Variants in FAT4 observed in about 807,000 individuals in gnomAD.
The protein encoded by FAT4 is protocadherin Fat 4.
In FAT4, 84 loss-of-function variants were observed where a neutral mutation model predicts 303.9. The ratio of observed to expected loss-of-function variants is 0.28; its 90% CI spans 0.23 to 0.33. The LOEUF is 0.33. Ranked by LOEUF, FAT4 falls within the 10% of genes least tolerant of loss-of-function variation. The pLI is 1.00. For missense variants in FAT4, 6,005 were observed against 6,146.8 expected (o/e 0.98, Z 0.77); for synonymous variants, 2,307 against 2,298.8 (o/e 1.00, Z -0.10).
intron 2 of FAT4, among the ~76,000 whole-genome samples, chr4:125,350,688 T>C (rs1732186847): frequency 6.6e-6 from 1 of 151,634 alleles, no homozygotes; most frequent in South Asian, 2.1e-4. Context: ...TCCTTACAAG[T>C]TTGGAAAAAT....
intron 3 of FAT4, among the ~76,000 whole-genome samples, chr4:125,400,399 C>T (rs975987842): frequency 1.1e-4 from 16 of 151,988 alleles, no homozygotes; most frequent in Admixed American, 2.0e-4. Flanking sequence ...ACACTCACCC[C>T]TTTTAATACT....
At position 125,316,389 on chromosome 4, in the gene FAT4, C is replaced by T; in HGVS notation, c.-12-11C>T. On this transcript the variant is annotated splice_polypyrimidine_tract_variant and intron_variant, in intron 1 of 17. Transcript: ENST00000394329. The surrounding 1 kb of genome is among the most constrained non-coding windows in gnomAD (Gnocchi z 5.7). ...CTTCACCCCTTCCTTCTCTTTATCA[C>T]ATCGTTTTAGGGAGCCAGGACCATG... 6.4e-7 allele frequency: 1 copy of T among 1,572,672 alleles called. No homozygotes were observed. The highest frequency in any genetic ancestry group is 8.6e-7 in the Non-Finnish European group (1 of 1,157,374).
chr4:125,452,011 T>A lies in FAT4; in HGVS notation c.11001T>A (p.Thr3667=). Residue 3667 remains threonine, a synonymous_variant, in exon 10 of 18, where the codon ACT becomes ACA. Transcript: ENST00000394329. ...VTSLFSIPGG[T]CDLNSQPRST... ...GCCTCTTCAGTATTCCAGGGGGTAC[T>A]TGTGATCTGAATTCCCAGCCAAGGT... is the stretch of plus-strand genomic sequence containing the variant. The A allele has an allele frequency of 6.2e-7, 1 of 1,614,198 alleles. No homozygotes were observed. The highest frequency in any genetic ancestry group is 8.5e-7 in the Non-Finnish European group (1 of 1,180,034).
chr4:125,382,636 G>A (rs905590376), intron 2 of FAT4, among the ~76,000 whole-genome samples: 5 of 152,138 alleles, frequency 3.3e-5, no homozygotes, highest in African/African-American at 1.2e-4. Flanking sequence ...AGTGGCTTCA[G>A]CTTAAAGTCA....
chr4:125,357,332 T>C lies in FAT4; in HGVS notation c.5175+35746T>C, dbSNP rs555783378. ...GGCAAATGTACAGTCTCTCGATTGA[T>C]AATAAAATTTGTCATTTTCTCAGTT... On this transcript the variant is annotated intron_variant, in intron 2 of 17. Coordinates refer to ENST00000394329, the MANE Select transcript of FAT4 (RefSeq NM_001291303.3). Among the ~76,000 whole-genome samples the C allele has an allele frequency of 1.4e-3, 210 of 152,262 alleles. 1 individual carries two copies. Among genetic ancestry groups the C allele is most frequent in the African/African-American group, 5.0e-3 (206 of 41,568 alleles).
chr4:125,446,413 T>G lies in FAT4; in HGVS notation c.7320T>G (p.Ser2440Arg). 1 of 1,613,570 alleles carries G rather than the reference T, an allele frequency of 6.2e-7. No individual in the cohort carries two copies. ...ATTATACTTTGGTAGTGGTCTGCAG[T>G]GATGCGGGATCCCCAGAGCCTCTTT... ...KDNYTLVVVCSDAGSPEPLSS... is the reference protein window; with the variant it reads ...KDNYTLVVVCRDAGSPEPLSS... The change falls in exon 9 of 18, where the codon AGT (serine) becomes AGG (arginine). Residue 2440 changes from serine to arginine, a missense_variant. Coordinates refer to ENST00000394329, the MANE Select transcript of FAT4 (RefSeq NM_001291303.3).
At chr4:125,415,862 A>C in intron 6 of FAT4, 56 bp downstream of exon 6, 1 of 1,333,098 alleles carries the variant, frequency 7.5e-7, no homozygotes. Flanking sequence ...TCTATTTGAA[A>C]ACCTCCCCTC....
intron 2 of FAT4, among the ~76,000 whole-genome samples, chr4:125,390,582 T>C (rs1733941649): frequency 1.3e-5 from 2 of 152,166 alleles, no homozygotes; most frequent in South Asian, 4.1e-4. Context: ...AGATTAGAGT[T>C]TTTCCTTGCT....
Position 125,318,951 on chromosome 4 carries a change from A to G in FAT4, c.2540A>G (p.Gln847Arg). Residue 847 changes from glutamine (Q) to arginine (R), a missense_variant, in exon 2 of 18, where the codon CAG becomes CGG. By Grantham distance (43) the Gln-to-Arg change is conservative (BLOSUM62 1). Transcript: ENST00000394329. The part of the protein sequence containing the change: ...GMFAINQVTG[Q>R]LTTANVIDRE... ...TTTGCTATCAACCAGGTCACTGGGC[A>G]GCTTACCACAGCAAATGTGATTGAT... The G allele has an allele frequency of 6.2e-7, 1 of 1,614,226 alleles. No homozygotes were observed. Among genetic ancestry groups the G allele is most frequent in the East Asian group, 2.2e-5 (1 of 44,878 alleles).
At chr4:125,442,426 A>G (rs1352579058) in intron 8 of FAT4, among the ~76,000 whole-genome samples, 2 of 152,008 alleles carry the variant, frequency 1.3e-5, no homozygotes, top group African/African-American at 2.4e-5. Flanking sequence ...TATCCATTTA[A>G]CTATCTAAAT....
chr4:125,327,106 C>T (rs553944360), intron 2 of FAT4, among the ~76,000 whole-genome samples: 1 of 152,276 alleles, frequency 6.6e-6, no homozygotes, highest in African/African-American at 2.4e-5. Flanking sequence ...AGGCCCTCAG[C>T]AGATCGGTTA....
intron 2 of FAT4, among the ~76,000 whole-genome samples, chr4:125,371,164 A>AG (rs914515735): frequency 1.1e-4 from 16 of 151,584 alleles, no homozygotes; most frequent in African/African-American, 3.1e-4. Flanking sequence ...AAAAAAAAAA[A>AG]AAGAAGAAGT....
chr4:125,479,927 CA>C, intron 15 of FAT4, 62 bp downstream of exon 15: 1 of 1,310,210 alleles, frequency 7.6e-7, no homozygotes, highest in Non-Finnish European at 1.0e-6. Flanking sequence ...AAAATATATG[CA>C]CCCAAGTATG....
chr4:125,484,634 A>G (rs905019449), intron 16 of FAT4, among the ~76,000 whole-genome samples: 1 of 152,132 alleles, frequency 6.6e-6, no homozygotes, highest in African/African-American at 2.4e-5. Context: ...TCTTGTGCAA[A>G]CATCATAGAG....
chr4:125,444,831 G>A (rs1164040021), intron 8 of FAT4, among the ~76,000 whole-genome samples: 2 of 151,980 alleles, frequency 1.3e-5, no homozygotes, highest in Non-Finnish European at 2.9e-5. Flanking sequence ...TCCACTGACA[G>A]CAACAAGGTT....
intron 2 of FAT4, among the ~76,000 whole-genome samples, chr4:125,345,150 C>T (rs929330379): frequency 3.3e-5 from 5 of 152,048 alleles, no homozygotes; most frequent in African/African-American, 9.7e-5. Flanking sequence ...AGATGGTCAA[C>T]GATTGTTTAA....
chr4:125,448,350 GA>G, intron 9 of FAT4, 110 bp from the exon 10 acceptor site: 1 of 1,002,410 alleles, frequency 1.0e-6, no homozygotes, highest in South Asian at 1.7e-5. Context: ...GTAATCATGA[GA>G]AAATAAGGTC....
intron 12 of FAT4, among the ~76,000 whole-genome samples, chr4:125,472,656 T>A (rs951856229): frequency 1.3e-5 from 2 of 152,226 alleles, no homozygotes; most frequent in African/African-American, 4.8e-5. Context: ...TGGCATCAGA[T>A]ACAATGACAT....
At position 125,449,093 on chromosome 4, in the gene FAT4, A is replaced by G. The variant is rs908442275; in HGVS notation, c.8083A>G (p.Met2695Val). Residue 2695 changes from methionine to valine, a missense_variant, in exon 10 of 18, where the codon ATG (methionine) becomes GTG (valine). Transcript: ENST00000394329. The stretch of plus-strand genomic sequence containing the variant: ...TCGAAAAATACTTACTGTTTCGGCA[A>G]TGGACAAGGACAGTGGACCCAATGG... ...SPRKILTVSA[M>V]DKDSGPNGQL... The G allele has an allele frequency of 4.3e-6, 7 of 1,613,858 alleles. No homozygotes were observed. In the Admixed American group the frequency reaches 6.7e-5, roughly 15 times the overall value.
Sources: allele counts gnomAD v4.1 joint callset (sites outside exome capture counted in the v4.1 genomes callset), GRCh38; gene constraint gnomAD v4.1.1; non-coding constraint Gnocchi (gnomAD v3.1); transcripts MANE v1.5; gene names NCBI Gene and HGNC (gene_info 2026-07-23, HGNC 2026-07-21).